The following CHI3L1 variants were observed in gnomAD, a reference collection of about 807,000 sequenced individuals.
CHI3L1 encodes the protein chitinase-3-like protein 1.
Under a neutral mutation model 40.7 loss-of-function variants are expected in CHI3L1, and 30 were observed. That is an observed-to-expected ratio of 0.74 (90% CI 0.55 to 1.00). The LOEUF (loss-of-function observed/expected upper bound fraction) is 1.00, where lower values mean the gene tolerates loss of function less well. Among genes scored for constraint, CHI3L1 ranks in the 50% least tolerant of loss-of-function variants. The pLI is 0.00. For synonymous variants in CHI3L1, 210 were observed against 192.1 expected (o/e 1.09, Z -0.77); for missense variants, 493 against 492.2 (o/e 1.00, Z -0.01).
chr1:203,179,934 C>A, intron 8 of CHI3L1, 57 bp from the exon 9 acceptor site: 1 of 1,508,222 alleles, frequency 6.6e-7, no homozygotes. Flanking sequence ...CCTTGCAGGT[C>A]ACCAGGAGAC....
intron 2 of CHI3L1, among the ~76,000 whole-genome samples, chr1:203,185,756 G>T (rs543751199): frequency 6.6e-6 from 1 of 152,298 alleles, no homozygotes; most frequent in Admixed American, 6.5e-5. Context: ...GCCCAAGATA[G>T]CCTGTGTCAC....
chr1:203,183,838 G>A (rs1655999443), intron 4 of CHI3L1, 47 bp from the exon 5 acceptor site: 1 of 1,606,940 alleles, frequency 6.2e-7, no homozygotes, highest in Non-Finnish European at 8.5e-7. Context: ...TGATATGCTA[G>A]GTGCCTTGGG....
intron 2 of CHI3L1, among the ~76,000 whole-genome samples, chr1:203,185,921 C>T (rs1288706137): frequency 1.3e-5 from 2 of 152,132 alleles, no homozygotes; most frequent in African/African-American, 2.4e-5. Context: ...CTCGGCATGT[C>T]CCCCAGGCTG....
At position 203,184,565 on chromosome 1, in the gene CHI3L1, G is replaced by A. The variant is rs184188852; in HGVS notation, c.314+11C>T. On this transcript the variant is annotated intron_variant, in intron 4 of 9. Coordinates refer to ENST00000255409, the MANE Select transcript of CHI3L1 (RefSeq NM_001276.4). ...TCCTCTGCCGTCCTGCCCCTGGGGA[G>A]AGGCTCCTACCTTTGAGACCCAAAG... is the stretch of plus-strand genomic sequence containing the variant. 3 of 1,612,200 alleles carry A rather than the reference G, an allele frequency of 1.9e-6. No individual in the cohort carries two copies. The South Asian group carries it at 3.3e-5, about 18-fold the overall frequency.
rs981966013 is a variant in CHI3L1 at position 203,186,538 on chromosome 1, C to T, written c.25+61G>A. On this transcript the variant is annotated intron_variant, in intron 1 of 9. Coordinates refer to ENST00000255409, the MANE Select transcript of CHI3L1 (RefSeq NM_001276.4). The stretch of plus-strand genomic sequence containing the variant: ...CTCACCCAGCAGGCAGATGGCTCTG[C>T]GGGCTGTCTGGGCCTGAAAACCCAC... 33 of 1,606,108 alleles carry T rather than the reference C, an allele frequency of 2.1e-5. No homozygotes were observed. In the African/African-American group the frequency reaches 3.2e-4, roughly 16 times the overall value.
Position 203,179,372 on chromosome 1 carries a change from C to T in CHI3L1, c.*73G>A. 1 of 1,394,060 alleles carries T rather than the reference C, an allele frequency of 7.2e-7. No homozygotes were observed. The highest frequency in any genetic ancestry group is 9.8e-7 in the Non-Finnish European group (1 of 1,025,274). 86.4% of individuals were successfully genotyped at this position (1,394,060 alleles called of 1,614,324 possible). ...CCTGGGACTCAGCAGGGCAGGTGAT[C>T]AGGCTCCCGGCCAGCTGGAGCCAGA... On this transcript the variant is annotated 3_prime_UTR_variant, in exon 10 of 10. Coordinates refer to ENST00000255409, the MANE Select transcript of CHI3L1 (RefSeq NM_001276.4).
chr1:203,182,935 G>A (rs977129374), intron 5 of CHI3L1, 83 bp from the exon 6 acceptor site: 19 of 1,459,368 alleles, frequency 1.3e-5, no homozygotes, highest in Admixed American at 1.9e-5. Context: ...AGGTCTCTGC[G>A]CAACCCATTT....
In CHI3L1 at chr1:203,185,387, T is replaced by G; in HGVS notation, c.56-2A>C. 6.2e-7 allele frequency: 1 copy of G among 1,613,750 alleles called. No homozygotes were observed. The highest frequency in any genetic ancestry group is 8.5e-7 in the Non-Finnish European group (1 of 1,179,958). On this transcript the variant is annotated splice_acceptor_variant, in intron 2 of 9. Transcript: ENST00000255409. LOFTEE classifies it high-confidence loss of function. The stretch of plus-strand genomic sequence containing the variant: ...AGCAGACCAGTTTGTATGCAGAGCC[T>G]GAAGGAGAAGTCTGGGATGGGGCCC...
chr1:203,186,652 TG>T lies in CHI3L1; in HGVS notation c.-30del. ...GGCTGCAGCAGAGCAGGGCAGGGTG[TG>T]GCCTCTTCCCTTGCCCACGGCTCCT... On this transcript the variant is annotated 5_prime_UTR_variant, in exon 1 of 10. Transcript: ENST00000255409. 6.2e-7 allele frequency: 1 copy of T among 1,613,950 alleles called. No individual in the cohort carries two copies. Among genetic ancestry groups the T allele is most frequent in the Non-Finnish European group, 8.5e-7 (1 of 1,179,948 alleles).
At chr1:203,185,138 GAC>G in intron 3 of CHI3L1, 44 bp downstream of exon 3, 1 of 1,578,588 alleles carries the variant, frequency 6.3e-7, no homozygotes. Context: ...CCTGCCCTGG[GAC>G]CAGCCCAGCT....
chr1:203,183,990 T>C (rs545615440), intron 4 of CHI3L1, among the ~76,000 whole-genome samples, 199 bp from the exon 5 acceptor site: 2 of 152,318 alleles, frequency 1.3e-5, no homozygotes, highest in Non-Finnish European at 2.9e-5. Flanking sequence ...TCTGGCTCTA[T>C]CACTTACTAG....
Position 203,184,560 on chromosome 1 carries a change from G to C in CHI3L1, c.314+16C>G. Reference sequence around the variant, plus strand: ...CATCATCCTCTGCCGTCCTGCCCCTGGGGAGAGGCTCCTACCTTTGAGACC... The same window carrying C: ...CATCATCCTCTGCCGTCCTGCCCCTCGGGAGAGGCTCCTACCTTTGAGACC... On this transcript the variant is annotated intron_variant, in intron 4 of 9. Transcript: ENST00000255409. The C allele has an allele frequency of 6.2e-7, 1 of 1,608,402 alleles. No homozygotes were observed. Among genetic ancestry groups the C allele is most frequent in the Non-Finnish European group, 8.5e-7 (1 of 1,174,816 alleles).
chr1:203,182,767 G>A lies in CHI3L1; in HGVS notation c.551C>T (p.Thr184Ile), dbSNP rs141941476. ...LSAALSAGKV[T>I]IDSSYDIAKI... The stretch of plus-strand genomic sequence containing the variant: ...GGCAATGTCATAGCTGCTGTCAATG[G>A]TGACCTTCCCCGCAGACAGTGCTGC... The change falls in exon 6 of 10, where the codon ACC becomes ATC. Residue 184 changes from threonine to isoleucine, a missense_variant. Thr to Ile is a moderately conservative substitution (Grantham distance 89). Coordinates refer to ENST00000255409, the MANE Select transcript of CHI3L1 (RefSeq NM_001276.4). 2.5e-6 allele frequency: 4 copies of A among 1,614,038 alleles called. No homozygotes were observed. The highest frequency in any genetic ancestry group is 3.4e-6 in the Non-Finnish European group (4 of 1,180,040).
rs535252526 is a variant in CHI3L1 at position 203,185,412 on chromosome 1, C to T, written c.56-27G>A. 1.0e-4 allele frequency: 163 copies of T among 1,608,344 alleles called. 2 individuals carry two copies. The South Asian group carries it at 1.4e-3, about 14-fold the overall frequency. ...TGAAGGAGAAGTCTGGGATGGGGCC[C>T]GGGCCAGGATTCGGCAAGAGACCTC... On this transcript the variant is annotated intron_variant, in intron 2 of 9. Coordinates refer to ENST00000255409, the MANE Select transcript of CHI3L1 (RefSeq NM_001276.4).
At chr1:203,179,648 A>G (rs1177032140) in intron 9 of CHI3L1, 63 bp from the exon 10 acceptor site, 1 of 1,613,902 alleles carries the variant, frequency 6.2e-7, no homozygotes, top group Non-Finnish European at 8.5e-7. Context: ...TACAGGGCAC[A>G]TGTGCTCTGT....
intron 1 of CHI3L1, 23 bp downstream of exon 1, chr1:203,186,576 T>C: frequency 6.2e-7 from 1 of 1,613,972 alleles, no homozygotes. Context: ...CTCTGATGGA[T>C]TAACCTTGGC....
chr1:203,180,490 C>T lies in CHI3L1; in HGVS notation c.874G>A (p.Gly292Arg). The T allele has an allele frequency of 6.3e-7, 1 of 1,597,318 alleles. No individual in the cohort carries two copies. The highest frequency in any genetic ancestry group is 1.1e-5 in the South Asian group (1 of 88,894). Residue 292 changes from glycine to arginine, a missense_variant, in exon 8 of 10, where the codon GGG becomes AGG. Coordinates refer to ENST00000255409, the MANE Select transcript of CHI3L1 (RefSeq NM_001276.4). ...ATTACCTCATAGTAGGCAAGGGTCC[C>T]TGCCTCCTTGGTGAACCGGCCTGGA... ...GIPGRFTKEA[G>R]TLAYYEICDF... is the part of the protein sequence containing the mutation.
intron 8 of CHI3L1, 160 bp downstream of exon 8, chr1:203,180,310 A>G: frequency 1.5e-6 from 1 of 671,816 alleles, no homozygotes; most frequent in South Asian, 2.2e-5. Context: ...TTTCAGCAAC[A>G]AATGTCCTAA....
Position 203,184,549 on chromosome 1 carries a change from G to A in CHI3L1, c.314+27C>T, listed in dbSNP as rs559088171. The A allele has an allele frequency of 3.4e-5, 54 of 1,596,688 alleles. No homozygotes were observed. In the South Asian group the frequency reaches 3.7e-4, roughly 11 times the overall value. ...CACTCCTATGCCATCATCCTCTGCC[G>A]TCCTGCCCCTGGGGAGAGGCTCCTA... On this transcript the variant is annotated intron_variant, in intron 4 of 9. Coordinates refer to ENST00000255409, the MANE Select transcript of CHI3L1 (RefSeq NM_001276.4).
Sources: allele counts gnomAD v4.1 joint callset (sites outside exome capture counted in the v4.1 genomes callset), GRCh38; gene constraint gnomAD v4.1.1; transcripts MANE v1.5; gene names NCBI Gene and HGNC (gene_info 2026-07-23, HGNC 2026-07-21).